Variants in APOBEC4 observed in about 807,000 individuals in gnomAD.
APOBEC4 encodes putative deaminase APOBEC-4.
For synonymous variants in APOBEC4, 141 were observed against 154.2 expected, an observed-to-expected ratio of 0.91 and a Z score of 0.63; for missense variants, 375 against 441.2, an observed-to-expected ratio of 0.85 and a Z score of 1.34.
At position 183,648,378 on chromosome 1, in the gene APOBEC4, A is replaced by G; in HGVS notation, c.404T>C (p.Ile135Thr). The change falls in exon 2 of 2, where the codon ATC becomes ACC. Residue 135 changes from isoleucine to threonine, a missense_variant. By Grantham distance (89) the Ile-to-Thr change is moderately conservative. Coordinates refer to ENST00000308641, the MANE Select transcript of APOBEC4 (RefSeq NM_203454.3). ...SPCNEANHCCISKMYNFLITY... is the reference protein window; with the variant it reads ...SPCNEANHCCTSKMYNFLITY... Reference sequence around the variant, plus strand: ...AATCAGGAAATTATACATTTTGCTGATGCAGCAGTGGTTAGCTTCATTACA... The same window carrying G: ...AATCAGGAAATTATACATTTTGCTGGTGCAGCAGTGGTTAGCTTCATTACA... 1 of 1,614,242 alleles carries G rather than the reference A, an allele frequency of 6.2e-7. No individual in the cohort carries two copies. The highest frequency in any genetic ancestry group is 8.5e-7 in the Non-Finnish European group (1 of 1,180,038).
chr1:183,648,215 T>C lies in APOBEC4; in HGVS notation c.567A>G (p.Ile189Met), dbSNP rs1186628269. 6.2e-7 allele frequency: 1 copy of C among 1,614,194 alleles called. No individual in the cohort carries two copies. The highest frequency in any genetic ancestry group is 1.3e-5 in the African/African-American group (1 of 75,036). The change falls in exon 2 of 2, where the codon ATA becomes ATG. Residue 189 changes from isoleucine to methionine, a missense_variant. By Grantham distance (10) the Ile-to-Met change is conservative. Coordinates refer to ENST00000308641, the MANE Select transcript of APOBEC4 (RefSeq NM_203454.3). Reference protein sequence around the residue: ...SLWPRVVLSPISGGIWHSVLH... With the variant: ...SLWPRVVLSPMSGGIWHSVLH... ...GAACAGAATGCCAGATCCCACCACT[T>C]ATTGGACTCAAAACAACCCGCGGCC...
chr1:183,648,564 G>A lies in APOBEC4; in HGVS notation c.218C>T (p.Thr73Ile). Residue 73 changes from threonine to isoleucine, a missense_variant, in exon 2 of 2, where the codon ACT becomes ATT. Coordinates refer to ENST00000308641, the MANE Select transcript of APOBEC4 (RefSeq NM_203454.3). ...CTTTTGCACCAGGCTACCAGAAGAA[G>A]TTTTTAGTTCATAAAATGTGAGGTG... The part of the protein sequence containing the change: ...TKHLTFYELK[T>I]SSGSLVQKGH... The A allele has an allele frequency of 6.2e-7, 1 of 1,614,174 alleles. No homozygotes were observed. Among genetic ancestry groups the A allele is most frequent in the Non-Finnish European group, 8.5e-7 (1 of 1,180,018 alleles).
In APOBEC4 at chr1:183,647,239, ACTGGTTTG is replaced by A. The variant is rs1218795873; in HGVS notation, c.*431_*438del. 1 of 154,228 alleles carries A rather than the reference ACTGGTTTG, an allele frequency of 6.5e-6. No individual in the cohort carries two copies. Among genetic ancestry groups the A allele is most frequent in the African/African-American group, 2.4e-5 (1 of 41,508 alleles). 9.6% of individuals were successfully genotyped at this position (154,228 alleles called of 1,614,324 possible). A position where few individuals can be genotyped will look rare whatever the true frequency, so the allele number is the denominator to read the frequency against. The stretch of plus-strand genomic sequence containing the variant: ...CATGATTAACAATTAATAGAAAATC[ACTGGTTTG>A]CTCCTGCAAACAGCACTTAATGTCA... On this transcript the variant is annotated 3_prime_UTR_variant, in exon 2 of 2. Coordinates refer to ENST00000308641, the MANE Select transcript of APOBEC4 (RefSeq NM_203454.3).
intron 1 of APOBEC4, among the ~76,000 whole-genome samples, chr1:183,652,162 C>T (rs777792180): frequency 3.3e-5 from 5 of 152,250 alleles, no homozygotes; most frequent in Middle Eastern, 3.4e-3. Flanking sequence ...ATAATGGTCC[C>T]ATAATTACCC....
At chr1:183,651,006 T>C (rs981075790) in intron 1 of APOBEC4, among the ~76,000 whole-genome samples, 1 of 152,198 alleles carries the variant, frequency 6.6e-6, no homozygotes, top group Non-Finnish European at 1.5e-5. Flanking sequence ...TTGCAAGACA[T>C]TTTTATGCAT....
chr1:183,650,589 A>G (rs1443537402), intron 1 of APOBEC4, among the ~76,000 whole-genome samples: 1 of 152,116 alleles, frequency 6.6e-6, no homozygotes. Flanking sequence ...TTAGTTTTTT[A>G]TTATGTAACT....
In APOBEC4 at chr1:183,648,621, A is replaced by C. The variant is rs1482026368; in HGVS notation, c.161T>G (p.Phe54Cys). ...SLTEFCQIFG[F>C]PYGTTFPQTK... Reference sequence around the variant, plus strand: ...TTGAGGAAATGTTGTCCCATAAGGGAATCCAAAAATCTGACAAAATTCTGT... The same window carrying C: ...TTGAGGAAATGTTGTCCCATAAGGGCATCCAAAAATCTGACAAAATTCTGT... Residue 54 changes from phenylalanine to cysteine, a missense_variant, in exon 2 of 2, where the codon TTC becomes TGC. Coordinates refer to ENST00000308641, the MANE Select transcript of APOBEC4 (RefSeq NM_203454.3). The C allele has an allele frequency of 1.2e-6, 2 of 1,614,228 alleles. No homozygotes were observed. Among genetic ancestry groups the C allele is most frequent in the East Asian group, 4.5e-5 (2 of 44,882 alleles).
At position 183,647,828 on chromosome 1, in the gene APOBEC4, C is replaced by A. The variant is rs763845580; in HGVS notation, c.954G>T (p.Arg318Ser). The change falls in exon 2 of 2, where the codon AGG becomes AGT. Residue 318 changes from arginine (R) to serine (S), a missense_variant. Arg to Ser is a moderately radical substitution (Grantham distance 110, BLOSUM62 -1). Coordinates refer to ENST00000308641, the MANE Select transcript of APOBEC4 (RefSeq NM_203454.3). ...ATGACATTTGAGGCATATTTAAGTG[C>A]CTTACGATATTCCTGGGTTTATTTG... ...QNPNKPRNIV[R>S]HLNMPQMSFQ... The A allele has an allele frequency of 1.2e-5, 19 of 1,614,172 alleles. No individual in the cohort carries two copies. The highest frequency in any genetic ancestry group is 1.6e-5 in the Non-Finnish European group (19 of 1,180,040).
rs766623371 is a variant in APOBEC4, at chr1:183,648,475, C to T, written c.307G>A (p.Gly103Ser). ...HPESMLFEMN[G>S]YLDSAIYNND... ...TTGTATATGGCTGAGTCAAGATAAC[C>T]ATTCATTTCAAAGAGCATTGATTCT... Residue 103 changes from glycine (G) to serine (S), a missense_variant, in exon 2 of 2, where the codon GGT becomes AGT. Physicochemically the swap from Gly to Ser is moderately conservative, Grantham distance 56. Coordinates refer to ENST00000308641, the MANE Select transcript of APOBEC4 (RefSeq NM_203454.3). 9 of 1,614,092 alleles carry T rather than the reference C, an allele frequency of 5.6e-6. No individual in the cohort carries two copies. The highest frequency in any genetic ancestry group is 1.1e-5 in the South Asian group (1 of 91,084).
intron 1 of APOBEC4, among the ~76,000 whole-genome samples, 154 bp downstream of exon 1, chr1:183,652,918 T>C (rs897873555): frequency 3.3e-5 from 5 of 152,156 alleles, no homozygotes; most frequent in Non-Finnish European, 7.4e-5. Context: ...AACCACACCA[T>C]AAGGACAATC....
chr1:183,650,494 C>T (rs1044307111), intron 1 of APOBEC4, among the ~76,000 whole-genome samples: 1 of 152,094 alleles, frequency 6.6e-6, no homozygotes, highest in Non-Finnish European at 1.5e-5. Flanking sequence ...AGTGAGCCAA[C>T]ATCCCACCAC....
chr1:183,647,849 A>C lies in APOBEC4; in HGVS notation c.933T>G (p.Asn311Lys), dbSNP rs779964164. The change falls in exon 2 of 2, where the codon AAT (asparagine) becomes AAG (lysine). Residue 311 changes from asparagine to lysine, a missense_variant. Transcript: ENST00000308641. ...AGTGCCTTACGATATTCCTGGGTTT[A>C]TTTGGGTTTTGGCCCATATGCATTG... ...LPPMHMGQNP[N>K]KPRNIVRHLN... 2.5e-6 allele frequency: 4 copies of C among 1,614,092 alleles called. No homozygotes were observed. Among genetic ancestry groups the C allele is most frequent in the Non-Finnish European group, 3.4e-6 (4 of 1,180,012 alleles).
chr1:183,649,952 C>T (rs1572221986), intron 1 of APOBEC4, among the ~76,000 whole-genome samples: 1 of 152,212 alleles, frequency 6.6e-6, no homozygotes, highest in Non-Finnish European at 1.5e-5. Flanking sequence ...GCTGAGACCA[C>T]AGGTATGTAC....
rs1329206628 is a variant in APOBEC4 at position 183,647,041 on chromosome 1, C to G, written c.*637G>C. ...GCCATTGGAGGTTCTCATGTATCAT[C>G]TTACCTCTATCATCTGCTCAGAAGG... On this transcript the variant is annotated 3_prime_UTR_variant, in exon 2 of 2. Transcript: ENST00000308641. The G allele has an allele frequency of 2.6e-5, 4 of 152,328 alleles. No homozygotes were observed. The highest frequency in any genetic ancestry group is 2.6e-4 in the Admixed American group (4 of 15,306). 9.4% of individuals were successfully genotyped at this position (152,328 alleles called of 1,614,324 possible). A position where few individuals can be genotyped will look rare whatever the true frequency, so the allele number is the denominator to read the frequency against.
chr1:183,649,328 T>C (rs1211043234), intron 1 of APOBEC4, among the ~76,000 whole-genome samples: 1 of 152,254 alleles, frequency 6.6e-6, no homozygotes, highest in Non-Finnish European at 1.5e-5. Context: ...ATCCTAGGGT[T>C]ATCTAGATTA....
intron 1 of APOBEC4, among the ~76,000 whole-genome samples, chr1:183,649,498 G>GT (rs1024374074): frequency 4.6e-5 from 7 of 151,854 alleles, no homozygotes; most frequent in Admixed American, 2.6e-4. Context: ...AGGTTTTTGG[G>GT]TTTTTTTTGA....
Position 183,649,427 on chromosome 1 carries a change from G to T in APOBEC4, c.-30-616C>A, listed in dbSNP as rs116524625. Among the ~76,000 whole-genome samples the T allele has an allele frequency of 8.6e-3, 1,314 of 152,266 alleles. 22 individuals carry two copies. Among genetic ancestry groups the T allele is most frequent in the African/African-American group, 0.029 (1,223 of 41,560 alleles). The stretch of plus-strand genomic sequence containing the variant: ...ATGTTAACATCTAATGTATTGTGCA[G>T]AACTATTCAGTGTGCTTGCATTTAA... On this transcript the variant is annotated intron_variant, in intron 1 of 1. Coordinates refer to ENST00000308641, the MANE Select transcript of APOBEC4 (RefSeq NM_203454.3).
intron 1 of APOBEC4, among the ~76,000 whole-genome samples, chr1:183,652,589 CATTTT>C (rs139702117): frequency 0.069 from 10,434 of 152,214 alleles, 611 homozygotes; most frequent in African/African-American, 0.16. Flanking sequence ...TGGTATCTGT[CATTTT>C]ATTCTCCCCA....
chr1:183,650,206 T>C (rs1243780930), intron 1 of APOBEC4, among the ~76,000 whole-genome samples: 1 of 152,186 alleles, frequency 6.6e-6, no homozygotes, highest in African/African-American at 2.4e-5. Context: ...TATACCCTGC[T>C]TTTTCACTTA....
Sources: allele counts gnomAD v4.1 joint callset (sites outside exome capture counted in the v4.1 genomes callset), GRCh38; gene constraint gnomAD v4.1.1; transcripts MANE v1.5; gene names NCBI Gene and HGNC (gene_info 2026-07-23, HGNC 2026-07-21).